CDKL3: variants seen among roughly 807,000 people sequenced by gnomAD.
CDKL3 encodes the protein cyclin dependent kinase like 3, also known as cyclin-dependent kinase-like 3.
CDKL3 carries 65 observed loss-of-function variants against 69.3 expected under a neutral mutation model. That is an observed-to-expected ratio of 0.94 (90% CI 0.77 to 1.15). The LOEUF (loss-of-function observed/expected upper bound fraction) is 1.15. Ranked by LOEUF, CDKL3 falls within the 50% of genes most tolerant of loss-of-function variation. CDKL3 has a pLI of 0.00. For synonymous variants in CDKL3, 202 were observed against 221.6 expected, an observed-to-expected ratio of 0.91 and a Z score of 0.79; for missense variants, 652 against 689.2, an observed-to-expected ratio of 0.95 and a Z score of 0.61.
At chr5:134,341,067 A>G (rs1750359021) in intron 4 of CDKL3, among the ~76,000 whole-genome samples, 1 of 152,196 alleles carries the variant, frequency 6.6e-6, no homozygotes, top group African/African-American at 2.4e-5. Context: ...TAATACATCA[A>G]TAGAATAAAA....
At chr5:134,318,068 A>C (rs1771646525) in intron 6 of CDKL3, among the ~76,000 whole-genome samples, 1 of 151,914 alleles carries the variant, frequency 6.6e-6, no homozygotes, top group Non-Finnish European at 1.5e-5. Context: ...AAAAATTCAA[A>C]ATTAGCCAGG....
At chr5:134,304,359 A>T in intron 11 of CDKL3, 46 bp downstream of exon 11, 1 of 1,416,174 alleles carries the variant, frequency 7.1e-7, no homozygotes. Flanking sequence ...AAAAAATCTT[A>T]TAAATGATAT....
chr5:134,340,001 A>G (rs1195584039), intron 4 of CDKL3, among the ~76,000 whole-genome samples: 1 of 152,004 alleles, frequency 6.6e-6, no homozygotes, highest in Non-Finnish European at 1.5e-5. Context: ...AAAAATGAAC[A>G]AAATTAGCCA....
At chr5:134,350,874 A>G (rs1038696186) in intron 3 of CDKL3, among the ~76,000 whole-genome samples, 1 of 152,094 alleles carries the variant, frequency 6.6e-6, no homozygotes, top group South Asian at 2.1e-4. Context: ...GAAAGAAAGA[A>G]AAATAACTTA....
At chr5:134,342,170 C>T (rs943024284) in intron 4 of CDKL3, among the ~76,000 whole-genome samples, 1 of 152,030 alleles carries the variant, frequency 6.6e-6, no homozygotes, top group Non-Finnish European at 1.5e-5. Context: ...ATTTTTATGC[C>T]CGTGCAATGA....
In CDKL3 at chr5:134,334,268, T is replaced by C. The variant is rs571961617; in HGVS notation, c.540-12365A>G. On this transcript the variant is annotated intron_variant, in intron 4 of 12. Coordinates refer to ENST00000265334, the MANE Select transcript of CDKL3 (RefSeq NM_001113575.2). Reference sequence around the variant, plus strand: ...TTCAAAAAACCAGCTCCTGGAATCATTGATTTTTTTTGAAGGGCTTTTTGT... The same window carrying C: ...TTCAAAAAACCAGCTCCTGGAATCACTGATTTTTTTTGAAGGGCTTTTTGT... Among the ~76,000 whole-genome samples the C allele has an allele frequency of 9.8e-5, 15 of 152,322 alleles. No individual in the cohort carries two copies. In the South Asian group the frequency reaches 1.0e-3, roughly 11 times the overall value.
chr5:134,306,676 C>T lies in CDKL3; in HGVS notation c.1391G>A (p.Arg464His), dbSNP rs776106778. 25 of 1,564,454 alleles carry T rather than the reference C, an allele frequency of 1.6e-5. No homozygotes were observed. Among genetic ancestry groups the T allele is most frequent in the African/African-American group, 9.9e-5 (7 of 70,640 alleles). ...VRLTERAKKR[R>H]TSSQSIGQVM... is the part of the protein sequence containing the mutation. ...TTGTCCAATAGATTGTGAAGAAGTG[C>T]GTCTCTTTTTTGCTCTTTCAGTTAA... Residue 464 changes from arginine (R) to histidine (H), a missense_variant, in exon 10 of 13, where the codon CGC becomes CAC. Coordinates refer to ENST00000265334, the MANE Select transcript of CDKL3 (RefSeq NM_001113575.2).
chr5:134,349,642 C>T (rs1752754331), intron 4 of CDKL3, among the ~76,000 whole-genome samples: 1 of 152,148 alleles, frequency 6.6e-6, no homozygotes, highest in South Asian at 2.1e-4. Context: ...CTGCCGAGGG[C>T]ATGGCACAGC....
At chr5:134,333,330 T>C (rs1776260093) in intron 4 of CDKL3, among the ~76,000 whole-genome samples, 1 of 152,240 alleles carries the variant, frequency 6.6e-6, no homozygotes, top group Admixed American at 6.5e-5. Context: ...CTGATTGCCC[T>C]GGCCAGAACT....
chr5:134,324,366 C>T (rs76043667), intron 4 of CDKL3, among the ~76,000 whole-genome samples: 3,620 of 152,324 alleles, frequency 0.024, 90 homozygotes, highest in African/African-American at 0.062. Flanking sequence ...GAGTAGAACA[C>T]TTCTGTCCAC....
At chr5:134,327,029 C>G (rs1384074988) in intron 4 of CDKL3, among the ~76,000 whole-genome samples, 1 of 151,872 alleles carries the variant, frequency 6.6e-6, no homozygotes, top group East Asian at 1.9e-4. Flanking sequence ...GGCAAAGACT[C>G]CACTCTAGGG....
At chr5:134,320,414 C>T (rs1772408614) in intron 5 of CDKL3, among the ~76,000 whole-genome samples, 1 of 151,658 alleles carries the variant, frequency 6.6e-6, no homozygotes, top group Non-Finnish European at 1.5e-5. Flanking sequence ...CGCGGCTGCA[C>T]TAAAAACGCA....
At chr5:134,306,762 T>TC (rs1767980043) in intron 9 of CDKL3, 60 bp from the exon 10 acceptor site, 3 of 1,037,840 alleles carry the variant, frequency 2.9e-6, no homozygotes, top group Non-Finnish European at 4.1e-6. Flanking sequence ...TTTTTTTTTT[T>TC]TTTTTTTTTT....
intron 4 of CDKL3, among the ~76,000 whole-genome samples, chr5:134,322,584 C>T (rs764698976): frequency 3.9e-5 from 6 of 152,068 alleles, no homozygotes; most frequent in Non-Finnish European, 7.4e-5. Context: ...CAGCACTGTT[C>T]GTAGAAGAAA....
chr5:134,297,178 C>T (rs1313396765), downstream of CDKL3, among the ~76,000 whole-genome samples: 1 of 152,010 alleles, frequency 6.6e-6, no homozygotes, highest in African/African-American at 2.4e-5. Context: ...TTTCGAAGTC[C>T]TGACCTCAGG....
At chr5:134,304,844 T>A (rs1247645587) in intron 10 of CDKL3, among the ~76,000 whole-genome samples, 2 of 148,910 alleles carry the variant, frequency 1.3e-5, no homozygotes, top group Non-Finnish European at 3.0e-5. Context: ...ATTATTATTA[T>A]TATTATTATT....
At chr5:134,361,912 T>C (rs1561651360) in intron 2 of CDKL3, among the ~76,000 whole-genome samples, 1 of 151,948 alleles carries the variant, frequency 6.6e-6, no homozygotes, top group Non-Finnish European at 1.5e-5. Flanking sequence ...CTCAAGGAAT[T>C]GATTGCTTTT....
downstream of CDKL3, among the ~76,000 whole-genome samples, chr5:134,285,649 C>T (rs577267427): frequency 1.3e-5 from 2 of 152,364 alleles, no homozygotes; most frequent in East Asian, 3.8e-4. Context: ...TAACAGTCAG[C>T]TCCTCATTGC....
chr5:134,335,842 G>A (rs748987719), intron 4 of CDKL3, among the ~76,000 whole-genome samples: 4 of 152,098 alleles, frequency 2.6e-5, no homozygotes, highest in African/African-American at 4.8e-5. Context: ...GGTGTTCTCT[G>A]TATTTCCAAA....
Sources: gnomAD v4.1 joint callset for allele counts (sites outside exome capture counted in the v4.1 genomes callset) on GRCh38, gnomAD v4.1.1 for gene constraint, MANE v1.5 for transcripts, NCBI Gene and HGNC (gene_info 2026-07-23, HGNC 2026-07-21) for gene names.